CATSPERT: variants seen among roughly 807,000 people sequenced by gnomAD.
CATSPERT encodes the protein cation channel sperm-associated targeting subunit tau.
chr2:201,496,062 T>A, the CATSPERT span: 1 of 810,344 alleles, frequency 1.2e-6, no homozygotes, highest in Non-Finnish European at 1.9e-6. Flanking sequence ...AGATATAAAA[T>A]TTTTAAACCT....
chr2:201,534,928 C>A, the CATSPERT span: 1 of 429,620 alleles, frequency 2.3e-6, no homozygotes, highest in South Asian at 9.8e-5. Context: ...AATTATATGT[C>A]TATTTTGATT....
At chr2:201,495,915 C>G in the CATSPERT span, 2 of 1,595,186 alleles carry the variant, frequency 1.3e-6, no homozygotes, top group South Asian at 2.3e-5. Flanking sequence ...GGTTTGAATT[C>G]TATATATTCT....
At chr2:201,599,295 C>G in the CATSPERT span, among the ~76,000 whole-genome samples, 2 of 152,144 alleles carry the variant, frequency 1.3e-5, no homozygotes, top group Admixed American at 6.5e-5. Context: ...CCTTTTCGAC[C>G]TCTAAATAAA....
chr2:201,572,600 A>G, the CATSPERT span, among the ~76,000 whole-genome samples: 2 of 152,194 alleles, frequency 1.3e-5, no homozygotes, highest in Non-Finnish European at 1.5e-5. Flanking sequence ...AATGGCTATT[A>G]CTATATATTA....
the CATSPERT span, among the ~76,000 whole-genome samples, chr2:201,541,901 A>C: frequency 6.6e-6 from 1 of 151,138 alleles, no homozygotes; most frequent in East Asian, 2.0e-4. Flanking sequence ...TGGCCTCTCT[A>C]TTTTTTGAGA....
chr2:201,564,350 C>G, the CATSPERT span, among the ~76,000 whole-genome samples: 2 of 152,106 alleles, frequency 1.3e-5, no homozygotes, highest in Admixed American at 6.5e-5. Flanking sequence ...CAAATTAGTT[C>G]TATAAATTTT....
the CATSPERT span, among the ~76,000 whole-genome samples, chr2:201,586,554 T>C: frequency 6.6e-6 from 1 of 152,074 alleles, no homozygotes; most frequent in Non-Finnish European, 1.5e-5. Flanking sequence ...TCAGACTGGA[T>C]ATTTTAAATC....
the CATSPERT span, chr2:201,547,375 T>TCAAA: frequency 1.8e-6 from 1 of 544,830 alleles, no homozygotes; most frequent in African/African-American, 1.9e-5. Context: ...AACAGGTAAG[T>TCAAA]ACCTGAACCA....
chr2:201,489,449 G>T, the CATSPERT span, among the ~76,000 whole-genome samples: 1 of 152,028 alleles, frequency 6.6e-6, no homozygotes, highest in Non-Finnish European at 1.5e-5. Context: ...TCCGAATTTA[G>T]ATAGAAAAGA....
At chr2:201,491,918 G>T in the CATSPERT span, 2 of 1,536,864 alleles carry the variant, frequency 1.3e-6, no homozygotes, top group Non-Finnish European at 1.7e-6. Context: ...AGTTTCTTAA[G>T]CAGTATATCT....
At chr2:201,545,327 G>A in the CATSPERT span, among the ~76,000 whole-genome samples, 1 of 151,956 alleles carries the variant, frequency 6.6e-6, no homozygotes, top group African/African-American at 2.4e-5. Context: ...ATGAGCCACC[G>A]TGCCTGGCCT....
At chr2:201,607,463 G>A in the CATSPERT span, among the ~76,000 whole-genome samples, 1 of 152,158 alleles carries the variant, frequency 6.6e-6, no homozygotes, top group Admixed American at 6.5e-5. Flanking sequence ...ACCAGCCTGG[G>A]AAACCTAGTG....
the CATSPERT span, among the ~76,000 whole-genome samples, chr2:201,581,641 T>TC: frequency 7.0e-6 from 1 of 142,034 alleles, no homozygotes; most frequent in Non-Finnish European, 1.5e-5. Flanking sequence ...GGAGTATTGC[T>TC]CTTGTTGCCC....
chr2:201,507,212 T>C, the CATSPERT span, among the ~76,000 whole-genome samples: 1 of 152,170 alleles, frequency 6.6e-6, no homozygotes. Context: ...ATACACGGTA[T>C]TATATAACAC....
the CATSPERT span, among the ~76,000 whole-genome samples, chr2:201,505,009 C>T: frequency 6.6e-6 from 1 of 152,202 alleles, no homozygotes; most frequent in South Asian, 2.1e-4. Context: ...ATATCCAGTT[C>T]TCCTTCATTT....
chr2:201,487,598 T>C, the CATSPERT span: 1 of 1,605,358 alleles, frequency 6.2e-7, no homozygotes, highest in South Asian at 1.1e-5. Flanking sequence ...ATATCACAAA[T>C]GAGCGAACAT....
chr2:201,595,289 C>T, the CATSPERT span, among the ~76,000 whole-genome samples: 7 of 151,160 alleles, frequency 4.6e-5, no homozygotes, highest in East Asian at 2.0e-4. Context: ...CCCGGGTTCA[C>T]GCCATTCTCC....
chr2:201,558,729 G>A, the CATSPERT span, among the ~76,000 whole-genome samples: 8,382 of 152,182 alleles, frequency 0.055, 282 homozygotes, highest in African/African-American at 0.081. Context: ...TATGCTCCCC[G>A]CTGCCCCCAG....
the CATSPERT span, among the ~76,000 whole-genome samples, chr2:201,591,815 C>T: frequency 2.6e-5 from 4 of 151,830 alleles, no homozygotes; most frequent in South Asian, 2.1e-4. Flanking sequence ...AGAATGCTTG[C>T]GATTTTTGTA....
Sources: allele counts gnomAD v4.1 joint callset (sites outside exome capture counted in the v4.1 genomes callset), GRCh38; gene constraint gnomAD v4.1.1; transcripts MANE v1.5; gene names NCBI Gene and HGNC (gene_info 2026-07-23, HGNC 2026-07-21).